DPP10: variants seen among roughly 807,000 people sequenced by gnomAD.
DPP10 encodes the protein dipeptidyl peptidase like 10, also known as inactive dipeptidyl peptidase 10.
DPP10 carries 33 observed loss-of-function variants against 120.9 expected under a neutral mutation model. The observed-to-expected ratio is 0.27, with a 90% CI of 0.21 to 0.37. DPP10 has a LOEUF of 0.37. Among genes scored for constraint, DPP10 ranks in the 10% least tolerant of loss-of-function variants. The pLI is 1.00. For synonymous variants in DPP10, 337 were observed against 326.1 expected (o/e 1.03, Z -0.36); for missense variants, 816 against 942.8 (o/e 0.87, Z 1.76).
intron 24 of DPP10, among the ~76,000 whole-genome samples, chr2:115,840,485 G>A (rs175354): frequency 0.41 from 61,509 of 151,018 alleles, 14,944 homozygotes; most frequent in East Asian, 0.67. Flanking sequence ...CCACCACACC[G>A]GCTAATTTTT....
At chr2:114,510,018 G>A (rs146426490) in intron 1 of DPP10, among the ~76,000 whole-genome samples, 249 of 152,074 alleles carry the variant, frequency 1.6e-3, no homozygotes, top group African/African-American at 5.7e-3. Context: ...GAAAATGAAA[G>A]AAATGCTTTC....
intron 1 of DPP10, among the ~76,000 whole-genome samples, chr2:115,062,772 T>G (rs1018751913): frequency 2.0e-5 from 3 of 152,264 alleles, no homozygotes; most frequent in Admixed American, 1.3e-4. Context: ...TACCACATTT[T>G]CTTTATCCAG....
At chr2:115,256,408 T>G (rs1288438481) in intron 1 of DPP10, among the ~76,000 whole-genome samples, 1 of 152,082 alleles carries the variant, frequency 6.6e-6, no homozygotes, top group Non-Finnish European at 1.5e-5. Flanking sequence ...GCCCCAAACC[T>G]TGTCAGCCAC....
At chr2:114,985,806 C>T (rs895562614) in intron 1 of DPP10, among the ~76,000 whole-genome samples, 3 of 152,160 alleles carry the variant, frequency 2.0e-5, no homozygotes, top group Admixed American at 6.5e-5. Context: ...TTACCTGTTG[C>T]GTGTGTGTAA....
At chr2:115,408,679 A>G (rs941444815) in intron 3 of DPP10, among the ~76,000 whole-genome samples, 3 of 152,186 alleles carry the variant, frequency 2.0e-5, no homozygotes. Flanking sequence ...TAGTTGGAAC[A>G]TCTTCAAAAT....
At chr2:114,796,822 G>C (rs1482987142) in intron 1 of DPP10, among the ~76,000 whole-genome samples, 4 of 152,114 alleles carry the variant, frequency 2.6e-5, no homozygotes, top group African/African-American at 9.7e-5. Context: ...TTTGACTTTA[G>C]GTCCAGTGTT....
intron 5 of DPP10, among the ~76,000 whole-genome samples, chr2:115,588,654 C>A (rs1057029860): frequency 6.6e-6 from 1 of 152,186 alleles, no homozygotes; most frequent in Non-Finnish European, 1.5e-5. Context: ...TCAAAAGATG[C>A]AAAGGCAAAT....
At chr2:114,743,468 G>A (rs553281921) in intron 1 of DPP10, among the ~76,000 whole-genome samples, 1 of 151,448 alleles carries the variant, frequency 6.6e-6, no homozygotes, top group Admixed American at 6.6e-5. Flanking sequence ...GATAAAGGCA[G>A]GTAAAATGGA....
At chr2:115,660,841 A>G (rs938082803) in intron 5 of DPP10, among the ~76,000 whole-genome samples, 3 of 151,998 alleles carry the variant, frequency 2.0e-5, no homozygotes, top group Non-Finnish European at 4.4e-5. Context: ...CAAATTCTTG[A>G]TTAATTATTG....
At chr2:114,586,843 T>G (rs1360684652) in intron 1 of DPP10, among the ~76,000 whole-genome samples, 3 of 152,172 alleles carry the variant, frequency 2.0e-5, no homozygotes, top group Non-Finnish European at 4.4e-5. Context: ...CTGCCCCATC[T>G]CTCTTTCTTC....
intron 1 of DPP10, among the ~76,000 whole-genome samples, chr2:114,777,901 C>T (rs990705857): frequency 6.6e-6 from 1 of 152,044 alleles, no homozygotes; most frequent in Non-Finnish European, 1.5e-5. Flanking sequence ...AATTTTATGA[C>T]AGGTTCTGCT....
intron 3 of DPP10, among the ~76,000 whole-genome samples, chr2:115,380,285 T>C (rs2066206243): frequency 6.6e-6 from 1 of 152,218 alleles, no homozygotes; most frequent in Non-Finnish European, 1.5e-5. Context: ...CTTGTTGAAT[T>C]GATCCCTTTA....
chr2:115,821,419 A>G (rs953751038), intron 21 of DPP10, among the ~76,000 whole-genome samples: 5 of 151,986 alleles, frequency 3.3e-5, no homozygotes, highest in Admixed American at 6.6e-5. Context: ...TTTTTCATTG[A>G]TACATGTTTA....
chr2:115,473,082 C>T (rs900794640), intron 3 of DPP10, among the ~76,000 whole-genome samples: 12 of 152,224 alleles, frequency 7.9e-5, no homozygotes, highest in Admixed American at 2.0e-4. Context: ...GTGGTCTAAA[C>T]GTGTTCTGGA....
chr2:114,464,814 G>A (rs1465986939), intron 1 of DPP10, among the ~76,000 whole-genome samples: 15 of 152,126 alleles, frequency 9.9e-5, no homozygotes, highest in South Asian at 4.1e-4. Flanking sequence ...GACGTGAGCC[G>A]AGATCGTGCC....
chr2:115,151,392 AT>A (rs1258913265), intron 1 of DPP10, among the ~76,000 whole-genome samples: 1 of 148,996 alleles, frequency 6.7e-6, no homozygotes, highest in African/African-American at 2.5e-5. Context: ...ATTTTTTTAA[AT>A]TTCAGGATTA....
At chr2:114,993,580 G>A (rs11687355) in intron 1 of DPP10, among the ~76,000 whole-genome samples, 40,429 of 96,548 alleles carry the variant, frequency 0.42, 8,873 homozygotes, top group Non-Finnish European at 0.46. Context: ...GTGTGTGTGT[G>A]TATATATATA....
At chr2:115,675,457 T>C (rs563029088) in intron 5 of DPP10, among the ~76,000 whole-genome samples, 24 of 151,964 alleles carry the variant, frequency 1.6e-4, no homozygotes, top group African/African-American at 5.5e-4. Flanking sequence ...ACACATTGAA[T>C]AGGATGTTTA....
At chr2:114,463,090 G>T (rs1308381222) in intron 1 of DPP10, among the ~76,000 whole-genome samples, 1 of 152,082 alleles carries the variant, frequency 6.6e-6, no homozygotes, top group Non-Finnish European at 1.5e-5. Flanking sequence ...AGATCTTGGT[G>T]CTGGGTGTGC....
Sources: gnomAD v4.1 joint callset for allele counts (sites outside exome capture counted in the v4.1 genomes callset) on GRCh38, gnomAD v4.1.1 for gene constraint, MANE v1.5 for transcripts, NCBI Gene and HGNC (gene_info 2026-07-23, HGNC 2026-07-21) for gene names.